Variants in CRYAB observed in about 807,000 individuals in gnomAD.
CRYAB encodes the protein alpha-crystallin B chain.
CRYAB carries 9 observed loss-of-function variants against 12.7 expected under a neutral mutation model. The observed-to-expected ratio is 0.71, with a 90% confidence interval of 0.43 to 1.24. The LOEUF (loss-of-function observed/expected upper bound fraction) is 1.24, where lower values mean the gene tolerates loss of function less well. CRYAB is among the 50% of genes most tolerant of loss of function. The probability of loss-of-function intolerance (pLI) is 0.00; values close to 1 mark genes in which losing one functional copy is unlikely to be tolerated. For synonymous variants in CRYAB, 93 were observed against 86.8 expected (o/e 1.07, Z -0.40); for missense variants, 183 against 226.6 (o/e 0.81, Z 1.24).
At chr11:111,919,620 T>C (rs1191631041) in intron 1 of CRYAB, among the ~76,000 whole-genome samples, 1 of 152,166 alleles carries the variant, frequency 6.6e-6, no homozygotes, top group African/African-American at 2.4e-5. Flanking sequence ...GAGTAATAAT[T>C]GTAGCACTTG....
intron 1 of CRYAB, among the ~76,000 whole-genome samples, chr11:111,918,435 T>C (rs1443662980): frequency 6.6e-6 from 1 of 152,138 alleles, no homozygotes; most frequent in Non-Finnish European, 1.5e-5. Flanking sequence ...GGAGAATATA[T>C]GAGGAACCCA....
chr11:111,918,988 T>C (rs140110474), intron 1 of CRYAB: 7 of 1,614,108 alleles, frequency 4.3e-6, no homozygotes, highest in East Asian at 2.2e-5. Context: ...AAACCGGGTC[T>C]GCTGCGGAGG....
chr11:111,913,226 CCTT>C, upstream of CRYAB: 1 of 607,326 alleles, frequency 1.6e-6, no homozygotes, highest in Non-Finnish European at 2.9e-6. Context: ...CCCTCCTCCT[CCTT>C]CTCCTCCTCC....
Position 111,908,662 on chromosome 11 carries a change from G to T in CRYAB, c.*102C>A. 3.7e-6 allele frequency: 4 copies of T among 1,095,766 alleles called. No individual in the cohort carries two copies. The highest frequency in any genetic ancestry group is 1.3e-5 in the South Asian group (1 of 78,556). 67.9% of individuals were successfully genotyped at this position (1,095,766 alleles called of 1,614,324 possible). ...ATATTTTATTAGCTTGATAATTTGG[G>T]CCTGCCCTTAGCATTAATAAGCTTC... is the stretch of plus-strand genomic sequence containing the variant. On this transcript the variant is annotated 3_prime_UTR_variant, in exon 3 of 3. Transcript: ENST00000650687.
intron 1 of CRYAB, among the ~76,000 whole-genome samples, chr11:111,921,628 G>C (rs908616353): frequency 6.6e-6 from 1 of 152,168 alleles, no homozygotes; most frequent in Non-Finnish European, 1.5e-5. Context: ...TTCTAGAGAA[G>C]GAGATGTAAC....
At chr11:111,918,589 T>A (rs1443546286) in intron 1 of CRYAB, 1 of 602,872 alleles carries the variant, frequency 1.7e-6, no homozygotes, top group Admixed American at 2.5e-5. Flanking sequence ...CATTAGGCAC[T>A]CATCTATTAT....
At chr11:111,915,040 A>G (rs1555166037), upstream of CRYAB, among the ~76,000 whole-genome samples, 1 of 152,228 alleles carries the variant, frequency 6.6e-6, no homozygotes, top group Non-Finnish European at 1.5e-5. Context: ...ACTGCACTCC[A>G]GCCTGGGTGA....
chr11:111,917,647 T>TAAA, upstream of CRYAB, among the ~76,000 whole-genome samples: 1 of 136,624 alleles, frequency 7.3e-6, no homozygotes, highest in Admixed American at 7.4e-5. Context: ...CACATTAATT[T>TAAA]AAAAAAAAAA....
upstream of CRYAB, chr11:111,912,737 C>T (rs1965505150): frequency 1.0e-6 from 1 of 975,662 alleles, no homozygotes; most frequent in Non-Finnish European, 1.6e-6. Context: ...CCCCCACCTC[C>T]TATCGAGCCC....
chr11:111,916,141 C>T (rs1555166100), upstream of CRYAB, among the ~76,000 whole-genome samples: 1 of 152,110 alleles, frequency 6.6e-6, no homozygotes, highest in Non-Finnish European at 1.5e-5. Context: ...AAAACAAACA[C>T]AATGGTTTTT....
chr11:111,915,762 A>G (rs2137393505), upstream of CRYAB, among the ~76,000 whole-genome samples: 1 of 152,276 alleles, frequency 6.6e-6, no homozygotes, highest in Middle Eastern at 3.4e-3. Context: ...TTTCTTTTTT[A>G]GACAGGGTCT....
At chr11:111,913,931 A>C (rs1555165939), upstream of CRYAB, 8 of 1,538,726 alleles carry the variant, frequency 5.2e-6, no homozygotes, top group Admixed American at 1.8e-5. Flanking sequence ...ATCCCTCTCT[A>C]CCTCCCAAGG....
At chr11:111,914,387 A>C (rs935076319), upstream of CRYAB, among the ~76,000 whole-genome samples, 1 of 152,234 alleles carries the variant, frequency 6.6e-6, no homozygotes, top group Non-Finnish European at 1.5e-5. Flanking sequence ...TTAGAGACAC[A>C]AAAACAAGGG....
Position 111,911,521 on chromosome 11 carries a change from C to A in CRYAB, c.201+3G>T. On this transcript the variant is annotated splice_donor_region_variant and intron_variant, in intron 1 of 2. Transcript: ENST00000650687. The stretch of plus-strand genomic sequence containing the variant: ...CTCCCGTCCTAGCTGTGGGGAGACT[C>A]ACCTCTGAGAGTCCAGTGTCAAACC... 1 of 1,607,386 alleles carries A rather than the reference C, an allele frequency of 6.2e-7. No homozygotes were observed. Among genetic ancestry groups the A allele is most frequent in the Non-Finnish European group, 8.5e-7 (1 of 1,177,486 alleles).
At chr11:111,912,742 G>C, upstream of CRYAB, 4 of 810,022 alleles carry the variant, frequency 4.9e-6, no homozygotes, top group Middle Eastern at 4.4e-4. Flanking sequence ...ACCTCCTATC[G>C]AGCCCTGGCT....
rs957581668 is a variant in CRYAB, at chr11:111,908,572, A to G, written c.*192T>C. On this transcript the variant is annotated 3_prime_UTR_variant, in exon 3 of 3. Transcript: ENST00000650687. ...ATGCAATCATAAATAGATCTGTGGT[A>G]TCTGTATATTTATTTAAAAGTGTGT... The G allele has an allele frequency of 3.2e-5, 19 of 595,530 alleles. No individual in the cohort carries two copies. The highest frequency in any genetic ancestry group is 5.7e-5 in the Non-Finnish European group (19 of 335,410). The allele number at this position is 595,530 out of a possible 1,614,324, so 36.9% of individuals were successfully genotyped here.
chr11:111,913,521 G>A (rs782144055), upstream of CRYAB: 8 of 1,614,074 alleles, frequency 5.0e-6, no homozygotes, highest in Non-Finnish European at 6.8e-6. Flanking sequence ...AGCTGGGGAG[G>A]GCAGCAGGGC....
intron 1 of CRYAB, chr11:111,919,345 C>A (rs587627206): frequency 2.0e-4 from 48 of 242,336 alleles, no homozygotes; most frequent in Non-Finnish European, 3.2e-4. Context: ...TGGTGGCGCG[C>A]ACCTGTAGTC....
chr11:111,916,379 C>T (rs1433830182), upstream of CRYAB, among the ~76,000 whole-genome samples: 3 of 151,914 alleles, frequency 2.0e-5, no homozygotes, highest in Non-Finnish European at 2.9e-5. Flanking sequence ...TACAGGCATG[C>T]GCCACAACAC....
Sources: allele counts gnomAD v4.1 joint callset (sites outside exome capture counted in the v4.1 genomes callset), GRCh38; gene constraint gnomAD v4.1.1; transcripts MANE v1.5; gene names NCBI Gene and HGNC (gene_info 2026-07-23, HGNC 2026-07-21).